The following FSTL4 variants were observed in gnomAD, a reference collection of about 807,000 sequenced individuals.
FSTL4 encodes follistatin like 4.
FSTL4 carries 28 observed loss-of-function variants against 78.2 expected under a neutral mutation model. The ratio of observed to expected loss-of-function variants is 0.36; its 90% CI spans 0.27 to 0.49. The LOEUF is 0.49. Ranked by LOEUF, FSTL4 falls within the 20% of genes least tolerant of loss-of-function variation. FSTL4 has a pLI of 0.98. For missense variants in FSTL4, 922 were observed against 1,084.9 expected (o/e 0.85, Z 2.11); for synonymous variants, 422 against 440.5 (o/e 0.96, Z 0.53).
the FSTL4 span, among the ~76,000 whole-genome samples, chr5:133,779,925 C>T: frequency 1.5e-4 from 23 of 152,246 alleles, no homozygotes; most frequent in African/African-American, 5.5e-4. Flanking sequence ...GGGAGGTGAG[C>T]AAGATGGATC....
At chr5:133,243,863 C>T (rs1751955092) in intron 7 of FSTL4, 1 of 152,218 alleles carries the variant, frequency 6.6e-6, no homozygotes, top group African/African-American at 2.4e-5. Flanking sequence ...CCCTCAGGAT[C>T]ATAAAGGACA....
the FSTL4 span, among the ~76,000 whole-genome samples, chr5:133,722,782 G>A: frequency 6.6e-6 from 1 of 152,126 alleles, no homozygotes; most frequent in Non-Finnish European, 1.5e-5. Context: ...ATGGGCCTGG[G>A]GCTTTTGGTT....
rs575433931 is a variant in FSTL4, at chr5:133,317,372, C to T, written c.410-720G>A. Among the ~76,000 whole-genome samples the T allele has an allele frequency of 1.7e-3, 252 of 152,276 alleles. 1 individual carries two copies. The highest frequency in any genetic ancestry group is 0.01 in the Middle Eastern group (3 of 294). ...TGACGGGCTTCTAGGATGGACATCA[C>T]GCAGGGCAACGCCCATACACTGGGA... On this transcript the variant is annotated intron_variant, in intron 4 of 15. Transcript: ENST00000265342.
At chr5:133,220,147 C>T (rs144966338) in intron 12 of FSTL4, among the ~76,000 whole-genome samples, 114 of 152,360 alleles carry the variant, frequency 7.5e-4, no homozygotes, top group African/African-American at 2.6e-3. Context: ...TGAGGACACA[C>T]TGTATCCTCA....
intron 3 of FSTL4, among the ~76,000 whole-genome samples, chr5:133,564,701 G>A (rs1759989664): frequency 6.6e-6 from 1 of 150,752 alleles, no homozygotes; most frequent in Admixed American, 6.6e-5. Context: ...AAGGATGAGG[G>A]ACAAGGCATG....
chr5:133,699,565 T>C, the FSTL4 span, among the ~76,000 whole-genome samples: 1 of 152,254 alleles, frequency 6.6e-6, no homozygotes, highest in South Asian at 2.1e-4. Flanking sequence ...CTGTTTTCAC[T>C]GTATAACCAA....
intron 3 of FSTL4, among the ~76,000 whole-genome samples, chr5:133,427,066 C>A (rs1756835624): frequency 6.6e-6 from 1 of 152,152 alleles, no homozygotes. Flanking sequence ...CCAAGACTAC[C>A]CCAGCAATGT....
the FSTL4 span, among the ~76,000 whole-genome samples, chr5:133,621,658 G>A: frequency 6.6e-6 from 1 of 152,080 alleles, no homozygotes; most frequent in South Asian, 2.1e-4. Flanking sequence ...AATGTATACT[G>A]CTCGGGTGAA....
At chr5:133,564,587 C>A (rs1039746825) in intron 3 of FSTL4, among the ~76,000 whole-genome samples, 1 of 152,134 alleles carries the variant, frequency 6.6e-6, no homozygotes, top group Non-Finnish European at 1.5e-5. Context: ...TCTCTGATCT[C>A]AGGAAATTAA....
At chr5:133,499,986 C>T in intron 3 of FSTL4, among the ~76,000 whole-genome samples, 1 of 152,154 alleles carries the variant, frequency 6.6e-6, no homozygotes, top group East Asian at 1.9e-4. Context: ...TCCTTTTTAT[C>T]ACCTCTCATG....
intron 3 of FSTL4, among the ~76,000 whole-genome samples, chr5:133,408,336 T>G (rs574752364): frequency 4.6e-5 from 7 of 152,246 alleles, no homozygotes; most frequent in African/African-American, 1.7e-4. Context: ...GTCTCTCATC[T>G]CTTTCTTCTG....
chr5:133,732,523 C>A, the FSTL4 span, among the ~76,000 whole-genome samples: 9,086 of 152,138 alleles, frequency 0.06, 380 homozygotes, highest in Middle Eastern at 0.12. Context: ...TCCAGAAAGC[C>A]CATCCGTCAG....
At chr5:133,629,147 T>G in the FSTL4 span, among the ~76,000 whole-genome samples, 117 of 151,278 alleles carry the variant, frequency 7.7e-4, no homozygotes, top group Admixed American at 2.0e-3. Flanking sequence ...ATACGTTGCA[T>G]CAATACCCAG....
the FSTL4 span, among the ~76,000 whole-genome samples, chr5:133,821,548 C>T: frequency 6.6e-6 from 1 of 152,144 alleles, no homozygotes; most frequent in Non-Finnish European, 1.5e-5. Context: ...ACTCTAGAAA[C>T]AGTGGGAACA....
At chr5:133,516,995 T>C (rs1758865168) in intron 3 of FSTL4, among the ~76,000 whole-genome samples, 1 of 151,830 alleles carries the variant, frequency 6.6e-6, no homozygotes, top group African/African-American at 2.4e-5. Flanking sequence ...AGAGGATCTT[T>C]GGTCCCAGGA....
intron 4 of FSTL4, among the ~76,000 whole-genome samples, chr5:133,350,569 G>C (rs1018144367): frequency 1.3e-5 from 2 of 152,224 alleles, no homozygotes; most frequent in Non-Finnish European, 2.9e-5. Context: ...TTTGGTATGA[G>C]TGAAGATTAA....
At chr5:133,248,239 A>G (rs985393524) in intron 7 of FSTL4, 1 of 152,390 alleles carries the variant, frequency 6.6e-6, no homozygotes, top group Non-Finnish European at 1.5e-5. Flanking sequence ...AGGGGGTCAC[A>G]CAGCCCAGGT....
the FSTL4 span, among the ~76,000 whole-genome samples, chr5:133,765,316 G>A: frequency 6.6e-6 from 1 of 152,190 alleles, no homozygotes; most frequent in African/African-American, 2.4e-5. Context: ...TGTATTATCT[G>A]TTTCAAAAAC....
At chr5:133,349,139 T>C (rs1303919622) in intron 4 of FSTL4, among the ~76,000 whole-genome samples, 1 of 152,156 alleles carries the variant, frequency 6.6e-6, no homozygotes, top group Non-Finnish European at 1.5e-5. Context: ...CAGTCCTCTT[T>C]GCAGAGGGAA....
Sources: gnomAD v4.1 joint callset for allele counts (sites outside exome capture counted in the v4.1 genomes callset) on GRCh38, gnomAD v4.1.1 for gene constraint, MANE v1.5 for transcripts, NCBI Gene and HGNC (gene_info 2026-07-23, HGNC 2026-07-21) for gene names.